The following RPS6KC1 variants were observed in gnomAD, a reference collection of about 807,000 sequenced individuals.
RPS6KC1 encodes inactive ribosomal protein S6 kinase delta-1.
In RPS6KC1, 54 loss-of-function variants were observed where a neutral mutation model predicts 103.8. The ratio of observed to expected loss-of-function variants is 0.52; its 90% CI spans 0.42 to 0.65. The LOEUF (loss-of-function observed/expected upper bound fraction) is 0.65. Among genes scored for constraint, RPS6KC1 ranks in the 30% least tolerant of loss-of-function variants. The pLI is 0.00. For synonymous variants in RPS6KC1, 439 were observed against 438.7 expected (o/e 1.00, Z -0.01); for missense variants, 1,151 against 1,253.8 (o/e 0.92, Z 1.24).
At chr1:213,281,849 CCT>C in the RPS6KC1 span, among the ~76,000 whole-genome samples, 2 of 152,190 alleles carry the variant, frequency 1.3e-5, no homozygotes, top group African/African-American at 4.8e-5. Flanking sequence ...CCCGTCTCTA[CCT>C]CTCCCGCCCA....
chr1:213,340,197 A>G, the RPS6KC1 span, among the ~76,000 whole-genome samples: 1 of 152,148 alleles, frequency 6.6e-6, no homozygotes, highest in Non-Finnish European at 1.5e-5. Context: ...GCCTGTTTTC[A>G]TGAGCCCTGT....
the RPS6KC1 span, among the ~76,000 whole-genome samples, chr1:213,442,340 CAGT>C: frequency 6.6e-6 from 1 of 152,204 alleles, no homozygotes; most frequent in African/African-American, 2.4e-5. Context: ...TGCCCACACT[CAGT>C]AGGTGTTCAA....
chr1:213,608,393 C>T, the RPS6KC1 span, among the ~76,000 whole-genome samples: 12 of 152,274 alleles, frequency 7.9e-5, no homozygotes, highest in African/African-American at 2.6e-4. Flanking sequence ...GAGGCAGCTT[C>T]GCAGTTAGGA....
chr1:213,258,418 A>G (rs2094702709), intron 12 of RPS6KC1, among the ~76,000 whole-genome samples: 1 of 152,234 alleles, frequency 6.6e-6, no homozygotes, highest in Non-Finnish European at 1.5e-5. Flanking sequence ...TTCTTGAACA[A>G]AAAGATATTT....
chr1:213,308,586 C>T, the RPS6KC1 span, among the ~76,000 whole-genome samples: 2 of 152,028 alleles, frequency 1.3e-5, no homozygotes, highest in Non-Finnish European at 2.9e-5. Flanking sequence ...CATTTCAGAC[C>T]AATTATGGGA....
At chr1:213,770,313 TA>T in the RPS6KC1 span, among the ~76,000 whole-genome samples, 1 of 152,178 alleles carries the variant, frequency 6.6e-6, no homozygotes, top group East Asian at 1.9e-4. Flanking sequence ...CCGCCCCCTG[TA>T]GATACTGGAA....
intron 6 of RPS6KC1, among the ~76,000 whole-genome samples, chr1:213,131,687 G>C (rs959807658): frequency 1.3e-5 from 2 of 152,140 alleles, no homozygotes; most frequent in Non-Finnish European, 2.9e-5. Flanking sequence ...CAGGTGATCT[G>C]TCTGCCTTGG....
At chr1:213,094,532 T>C (rs2081282636) in intron 3 of RPS6KC1, among the ~76,000 whole-genome samples, 1 of 152,222 alleles carries the variant, frequency 6.6e-6, no homozygotes, top group Non-Finnish European at 1.5e-5. Flanking sequence ...AAGCTATATC[T>C]GTCTGATTGT....
At chr1:213,589,181 G>A in the RPS6KC1 span, among the ~76,000 whole-genome samples, 1 of 152,188 alleles carries the variant, frequency 6.6e-6, no homozygotes, top group Non-Finnish European at 1.5e-5. Flanking sequence ...GGCAGCATGT[G>A]CATCAGAAGA....
the RPS6KC1 span, among the ~76,000 whole-genome samples, chr1:213,499,896 A>G: frequency 1.3e-5 from 2 of 152,232 alleles, no homozygotes; most frequent in African/African-American, 4.8e-5. Flanking sequence ...GATTAAAAAA[A>G]TGGCACACAA....
At chr1:213,529,173 C>T in the RPS6KC1 span, among the ~76,000 whole-genome samples, 10 of 150,300 alleles carry the variant, frequency 6.7e-5, no homozygotes, top group African/African-American at 1.2e-4. Context: ...AAATGGGAAG[C>T]GCACAGTGCT....
rs182912293 is a variant in RPS6KC1, at chr1:213,051,255, G to A, written c.-150G>A. ...GCTTCTCTGCTGACCCGGAAGCAGA[G>A]CTGTGCAGCTGAGGCGCCGCCGTGG... On this transcript the variant is annotated 5_prime_UTR_variant, in exon 1 of 15. Transcript: ENST00000366960. The A allele has an allele frequency of 1.6e-4, 99 of 614,566 alleles. No individual in the cohort carries two copies. The East Asian group carries it at 2.3e-3, about 14-fold the overall frequency. The allele number at this position is 614,566 out of a possible 1,614,324, so 38.1% of individuals were successfully genotyped here. A position where few individuals can be genotyped will look rare whatever the true frequency, so the allele number is the denominator to read the frequency against.
the RPS6KC1 span, among the ~76,000 whole-genome samples, chr1:213,586,071 A>G: frequency 1.1e-3 from 164 of 152,104 alleles, no homozygotes; most frequent in African/African-American, 3.7e-3. Flanking sequence ...TTTCTTTGCG[A>G]TTCTTTGCTC....
intron 6 of RPS6KC1, among the ~76,000 whole-genome samples, chr1:213,150,289 T>C (rs2088519291): frequency 7.4e-6 from 1 of 134,974 alleles, no homozygotes; most frequent in Admixed American, 7.3e-5. Context: ...TGTATGTACA[T>C]TATATGTTAT....
chr1:213,202,392 CTT>C (rs34424682), intron 8 of RPS6KC1, among the ~76,000 whole-genome samples: 110,703 of 151,764 alleles, frequency 0.73, 41,209 homozygotes, highest in African/African-American at 0.87. Flanking sequence ...AGGTGGATCA[CTT>C]TTGAGATCAG....
chr1:213,422,707 G>A, the RPS6KC1 span, among the ~76,000 whole-genome samples: 3 of 152,224 alleles, frequency 2.0e-5, no homozygotes, highest in Admixed American at 1.3e-4. Flanking sequence ...CTGACAGTGG[G>A]CATCATGCAG....
chr1:213,674,478 T>C, the RPS6KC1 span, among the ~76,000 whole-genome samples: 2 of 152,258 alleles, frequency 1.3e-5, no homozygotes, highest in African/African-American at 4.8e-5. Context: ...ATTTTATTCT[T>C]TTTATGGCTA....
At chr1:213,065,355 C>G (rs1464750810) in intron 1 of RPS6KC1, among the ~76,000 whole-genome samples, 1 of 152,166 alleles carries the variant, frequency 6.6e-6, no homozygotes, top group African/African-American at 2.4e-5. Context: ...TTGTGACAAA[C>G]TCTCTTGAAA....
chr1:213,363,633 T>G, the RPS6KC1 span, among the ~76,000 whole-genome samples: 7,439 of 37,506 alleles, frequency 0.2, 484 homozygotes, highest in South Asian at 0.24. Flanking sequence ...TTGCTTTCTT[T>G]CTTTCTTTCT....
Sources: gnomAD v4.1 joint callset for allele counts (sites outside exome capture counted in the v4.1 genomes callset) on GRCh38, gnomAD v4.1.1 for gene constraint, MANE v1.5 for transcripts, NCBI Gene and HGNC (gene_info 2026-07-23, HGNC 2026-07-21) for gene names.